The following CNTNAP2 variants were observed in gnomAD, a reference collection of about 807,000 sequenced individuals.
CNTNAP2 encodes contactin-associated protein-like 2.
CNTNAP2 carries 98 observed loss-of-function variants against 155.2 expected under a neutral mutation model. The ratio of observed to expected loss-of-function variants is 0.63; its 90% CI spans 0.54 to 0.75. The LOEUF (loss-of-function observed/expected upper bound fraction) is 0.75, where lower values mean the gene tolerates loss of function less well. Ranked by LOEUF, CNTNAP2 falls within the 30% of genes least tolerant of loss-of-function variation. The probability of loss-of-function intolerance (pLI) is 0.00; values close to 1 mark genes in which losing one functional copy is unlikely to be tolerated. For missense variants in CNTNAP2, 1,727 were observed against 1,688.1 expected, an observed-to-expected ratio of 1.02 and a Z score of -0.40; for synonymous variants, 651 against 631.2, an observed-to-expected ratio of 1.03 and a Z score of -0.47.
chr7:147,040,244 C>T (rs1799233255), intron 3 of CNTNAP2, among the ~76,000 whole-genome samples: 1 of 152,114 alleles, frequency 6.6e-6, no homozygotes, highest in African/African-American at 2.4e-5. Context: ...ACTCTGTCTA[C>T]ATTGTTGATT....
At chr7:148,338,825 G>A (rs1378460487) in intron 21 of CNTNAP2, among the ~76,000 whole-genome samples, 1 of 152,114 alleles carries the variant, frequency 6.6e-6, no homozygotes, top group African/African-American at 2.4e-5. Context: ...AGAAGAAGAC[G>A]GAGAAGGAGG....
chr7:147,077,599 T>G (rs1422951616), intron 4 of CNTNAP2, among the ~76,000 whole-genome samples: 1 of 152,200 alleles, frequency 6.6e-6, no homozygotes, highest in Non-Finnish European at 1.5e-5. Context: ...AAATAATGTA[T>G]GCAGGTTCAT....
chr7:146,828,611 T>C (rs1803452254), intron 2 of CNTNAP2, among the ~76,000 whole-genome samples: 2 of 152,062 alleles, frequency 1.3e-5, no homozygotes, highest in Admixed American at 1.3e-4. Context: ...AAAAGTTTAA[T>C]TTAGAAAAAG....
intron 12 of CNTNAP2, among the ~76,000 whole-genome samples, chr7:147,619,882 G>C (rs976177769): frequency 1.3e-5 from 2 of 152,194 alleles, no homozygotes; most frequent in African/African-American, 4.8e-5. Flanking sequence ...GCAACACCCA[G>C]TCCTGTGCTG....
chr7:146,369,025 TTATGTATATATATATATATATATATACA>T (rs1050293809), intron 1 of CNTNAP2, among the ~76,000 whole-genome samples: 1 of 106,664 alleles, frequency 9.4e-6, no homozygotes, highest in Admixed American at 1.0e-4. Flanking sequence ...AATAAAAGCA[TTATGTATATATATATATATATATATACA>T]TATATATATA....
At chr7:147,511,156 G>A (rs897349599) in intron 11 of CNTNAP2, among the ~76,000 whole-genome samples, 2 of 151,674 alleles carry the variant, frequency 1.3e-5, no homozygotes, top group South Asian at 2.1e-4. Flanking sequence ...CTATTGTGTC[G>A]GTGCATACAG....
At chr7:147,862,915 T>G (rs1241666855) in intron 13 of CNTNAP2, among the ~76,000 whole-genome samples, 1 of 151,996 alleles carries the variant, frequency 6.6e-6, no homozygotes, top group Non-Finnish European at 1.5e-5. Flanking sequence ...AAGCAAAGTA[T>G]CTTTCCATTT....
At chr7:147,952,001 C>A (rs1455422534) in intron 14 of CNTNAP2, among the ~76,000 whole-genome samples, 1 of 151,222 alleles carries the variant, frequency 6.6e-6, no homozygotes, top group East Asian at 1.9e-4. Flanking sequence ...GTGGCATGGC[C>A]CCAATTTTAG....
intron 17 of CNTNAP2, among the ~76,000 whole-genome samples, chr7:148,151,858 G>C (rs1805302483): frequency 6.6e-6 from 1 of 152,116 alleles, no homozygotes; most frequent in African/African-American, 2.4e-5. Context: ...AGAGGCCACA[G>C]AGCAGCAAAC....
intron 3 of CNTNAP2, among the ~76,000 whole-genome samples, chr7:146,888,062 C>T (rs73742605): frequency 0.017 from 2,596 of 152,154 alleles, 61 homozygotes; most frequent in African/African-American, 0.059. Flanking sequence ...ATTAATCTAT[C>T]ATCCATTGAC....
At chr7:146,368,745 C>A (rs1795189380) in intron 1 of CNTNAP2, among the ~76,000 whole-genome samples, 1 of 151,708 alleles carries the variant, frequency 6.6e-6, no homozygotes, top group Admixed American at 6.6e-5. Flanking sequence ...ATTTGTGCAC[C>A]TCTGCATTTA....
chr7:148,055,432 A>G (rs1020224925), intron 15 of CNTNAP2, among the ~76,000 whole-genome samples: 1 of 152,162 alleles, frequency 6.6e-6, no homozygotes, highest in African/African-American at 2.4e-5. Flanking sequence ...CCATGGTGCT[A>G]TGGAGCAAGC....
chr7:146,218,069 C>T (rs1275209292), intron 1 of CNTNAP2, among the ~76,000 whole-genome samples: 4 of 152,114 alleles, frequency 2.6e-5, no homozygotes, highest in Non-Finnish European at 5.9e-5. Flanking sequence ...CCCAGGTGTG[C>T]TATCCTCCCA....
chr7:147,365,383 G>GACAAAAA (rs1796211245), intron 9 of CNTNAP2, among the ~76,000 whole-genome samples: 2 of 93,638 alleles, frequency 2.1e-5, no homozygotes, highest in Non-Finnish European at 3.9e-5. Context: ...ATCTCAAAAA[G>GACAAAAA]AAAAAAAAAA....
At chr7:146,527,203 A>C (rs1372012170) in intron 1 of CNTNAP2, among the ~76,000 whole-genome samples, 1 of 152,166 alleles carries the variant, frequency 6.6e-6, no homozygotes, top group Non-Finnish European at 1.5e-5. Flanking sequence ...CCACAATTGG[A>C]ATCACATAAT....
intron 12 of CNTNAP2, among the ~76,000 whole-genome samples, chr7:147,587,167 G>A (rs1800645256): frequency 6.6e-6 from 1 of 152,150 alleles, no homozygotes; most frequent in African/African-American, 2.4e-5. Flanking sequence ...TTCATTAGGT[G>A]TTGCTCTCTA....
chr7:147,198,955 C>CTTT lies in CNTNAP2; in HGVS notation c.1348+66468_1348+66470dup, dbSNP rs531893928. 3.2e-3 allele frequency among the ~76,000 whole-genome samples: 316 copies of CTTT among 99,250 alleles called. 4 individuals are homozygous for CTTT. The highest frequency in any genetic ancestry group is 7.5e-3 in the Middle Eastern group (1 of 134). 65.1% of individuals were successfully genotyped at this position (99,250 alleles called of 152,430 possible). ...GCCCTCTAACTAGCTAATCAAAGGA[C>CTTT]TTTTTTTTTTTTTTTTTTTTTTTTG... On this transcript the variant is annotated intron_variant, in intron 8 of 23. Transcript: ENST00000361727.
At chr7:146,317,770 C>G (rs908848052) in intron 1 of CNTNAP2, among the ~76,000 whole-genome samples, 1 of 152,240 alleles carries the variant, frequency 6.6e-6, no homozygotes, top group South Asian at 2.1e-4. Context: ...CACATGTCAT[C>G]TTTCCTTGAA....
At chr7:147,066,437 A>G (rs1253958588) in intron 4 of CNTNAP2, among the ~76,000 whole-genome samples, 15 of 152,200 alleles carry the variant, frequency 9.9e-5, no homozygotes, top group Admixed American at 9.8e-4. Context: ...TTTCCTTTTT[A>G]TAAAACTAAA....
Sources: allele counts gnomAD v4.1 joint callset (sites outside exome capture counted in the v4.1 genomes callset), GRCh38; gene constraint gnomAD v4.1.1; transcripts MANE v1.5; gene names NCBI Gene and HGNC (gene_info 2026-07-23, HGNC 2026-07-21).